SYN2: variants seen among roughly 807,000 people sequenced by gnomAD.
The protein encoded by SYN2 is synapsin-2.
SYN2 carries 19 observed loss-of-function variants against 50.9 expected under a neutral mutation model. The ratio of observed to expected loss-of-function variants is 0.37; its 90% CI spans 0.26 to 0.55. SYN2 has a LOEUF of 0.55. Ranked by LOEUF, SYN2 falls within the 20% of genes least tolerant of loss-of-function variation. The probability of loss-of-function intolerance (pLI) is 0.81; values close to 1 mark genes in which losing one functional copy is unlikely to be tolerated. For missense variants in SYN2, 587 were observed against 576.4 expected, an observed-to-expected ratio of 1.02 and a Z score of -0.19; for synonymous variants, 255 against 224.9, an observed-to-expected ratio of 1.13 and a Z score of -1.20.
chr3:12,025,931 C>CCT (rs1463389401), intron 1 of SYN2, among the ~76,000 whole-genome samples: 2 of 152,216 alleles, frequency 1.3e-5, no homozygotes, highest in Non-Finnish European at 2.9e-5. Context: ...ACTAGCCAAG[C>CCT]CTCTTGTTTC....
At chr3:12,024,432 C>T in intron 1 of SYN2, among the ~76,000 whole-genome samples, 1 of 152,028 alleles carries the variant, frequency 6.6e-6, no homozygotes, top group Non-Finnish European at 1.5e-5. Flanking sequence ...TGCATTACTT[C>T]TTTCAATCTT....
intron 10 of SYN2, among the ~76,000 whole-genome samples, chr3:12,179,608 ATG>A (rs922650868): frequency 6.6e-6 from 1 of 152,132 alleles, no homozygotes; most frequent in African/African-American, 2.4e-5. Flanking sequence ...AGGTGCTTCC[ATG>A]GTTACCTCAT....
At chr3:12,026,705 A>C in intron 1 of SYN2, among the ~76,000 whole-genome samples, 1 of 152,214 alleles carries the variant, frequency 6.6e-6, no homozygotes, top group East Asian at 1.9e-4. Flanking sequence ...GAGGAATGCT[A>C]GGAGACGTGG....
intron 1 of SYN2, among the ~76,000 whole-genome samples, chr3:12,135,347 C>G (rs923586320): frequency 3.3e-5 from 5 of 152,174 alleles, no homozygotes; most frequent in Non-Finnish European, 7.3e-5. Flanking sequence ...TTCTTGAAGC[C>G]TTCAGATGTT....
intron 5 of SYN2, chr3:12,157,459 C>A (rs1337541426): frequency 6.2e-7 from 1 of 1,614,178 alleles, no homozygotes; most frequent in East Asian, 2.2e-5. Flanking sequence ...ACTACCTTCT[C>A]ACTGGAGATT....
Position 12,122,749 on chromosome 3 carries a change from A to G in SYN2, c.378-17902A>G, listed in dbSNP as rs146761192. Among the ~76,000 whole-genome samples, 666 of 152,324 alleles carry G rather than the reference A, an allele frequency of 4.4e-3. 5 individuals carry two copies. The highest frequency in any genetic ancestry group is 0.015 in the African/African-American group (614 of 41,584). ...AATATAAAATTATGCCCAGCCACTG[A>G]TACCTTGGAGTGCTTATCAGAAGAA... On this transcript the variant is annotated intron_variant, in intron 1 of 12. Transcript: ENST00000621198.
intron 1 of SYN2, chr3:12,070,461 G>T (rs521223): frequency 8.5e-6 from 5 of 589,220 alleles, no homozygotes; most frequent in South Asian, 1.4e-5. Context: ...GCGTGGCATC[G>T]TCATCAACTG....
intron 5 of SYN2, among the ~76,000 whole-genome samples, chr3:12,152,803 A>G (rs1697339502): frequency 6.6e-6 from 1 of 152,214 alleles, no homozygotes; most frequent in Non-Finnish European, 1.5e-5. Flanking sequence ...AGTTGAGGGC[A>G]TTAAGGATAG....
intron 1 of SYN2, among the ~76,000 whole-genome samples, chr3:12,006,249 T>G (rs939690257): frequency 1.1e-4 from 16 of 152,184 alleles, no homozygotes; most frequent in Non-Finnish European, 2.4e-4. Context: ...TTCTGAATAG[T>G]CCTTTGGGTG....
intron 1 of SYN2, among the ~76,000 whole-genome samples, chr3:12,035,869 A>C (rs1694487806): frequency 6.6e-6 from 1 of 152,182 alleles, no homozygotes; most frequent in African/African-American, 2.4e-5. Context: ...GTCTGCATGC[A>C]AGAGGATGGC....
At chr3:12,018,061 G>T (rs1694059300) in intron 1 of SYN2, among the ~76,000 whole-genome samples, 1 of 152,154 alleles carries the variant, frequency 6.6e-6, no homozygotes, top group Admixed American at 6.5e-5. Flanking sequence ...ACATATGAAG[G>T]AATTAAGGTC....
At chr3:12,117,776 G>C (rs1696464852) in intron 1 of SYN2, among the ~76,000 whole-genome samples, 1 of 152,196 alleles carries the variant, frequency 6.6e-6, no homozygotes, top group Non-Finnish European at 1.5e-5. Flanking sequence ...AAAGGATAGA[G>C]CTTCCTGCCC....
chr3:12,045,687 C>T (rs780789802), intron 1 of SYN2, among the ~76,000 whole-genome samples: 4 of 152,094 alleles, frequency 2.6e-5, no homozygotes, highest in Non-Finnish European at 5.9e-5. Flanking sequence ...GTACTGAATC[C>T]CTTTGCCCCT....
chr3:12,071,560 G>A, intron 1 of SYN2: 1 of 341,830 alleles, frequency 2.9e-6, no homozygotes, highest in South Asian at 2.4e-5. Context: ...TTGTATTCAA[G>A]TTAACTTTTA....
intron 1 of SYN2, among the ~76,000 whole-genome samples, chr3:12,043,746 T>C (rs1210193532): frequency 6.6e-6 from 1 of 152,174 alleles, no homozygotes; most frequent in East Asian, 1.9e-4. Context: ...GCCAGACATA[T>C]CATATGACCT....
intron 1 of SYN2, among the ~76,000 whole-genome samples, chr3:12,087,054 C>T (rs1417605203): frequency 6.6e-6 from 1 of 152,014 alleles, no homozygotes; most frequent in Admixed American, 6.6e-5. Flanking sequence ...ATAGCATTTC[C>T]ATATACTAAC....
Position 12,055,546 on chromosome 3 carries a change from T to C in SYN2, c.377+50618T>C, listed in dbSNP as rs185009822. Among the ~76,000 whole-genome samples the C allele has an allele frequency of 2.3e-4, 35 of 152,332 alleles. 1 individual carries two copies. Among genetic ancestry groups the C allele is most frequent in the Admixed American group, 3.9e-4 (6 of 15,310 alleles). ...TTTGTGATTGTGTTGATTCTGTGGTTCAATTTTTGGAGAAATTATATATTT... is the reference window on the plus strand; with the variant it reads ...TTTGTGATTGTGTTGATTCTGTGGTCCAATTTTTGGAGAAATTATATATTT... On this transcript the variant is annotated intron_variant, in intron 1 of 12. Transcript: ENST00000621198.
chr3:12,042,166 A>G (rs992180652), intron 1 of SYN2, among the ~76,000 whole-genome samples: 6 of 152,244 alleles, frequency 3.9e-5, no homozygotes, highest in African/African-American at 1.4e-4. Context: ...ATGTATCAGT[A>G]TATTTGGTTA....
intron 10 of SYN2, among the ~76,000 whole-genome samples, chr3:12,176,054 C>G (rs1340978358): frequency 1.3e-5 from 2 of 152,214 alleles, no homozygotes; most frequent in Non-Finnish European, 2.9e-5. Context: ...CTGGTGGTCA[C>G]TCATGGCCAA....
Sources: allele counts gnomAD v4.1 joint callset (sites outside exome capture counted in the v4.1 genomes callset), GRCh38; gene constraint gnomAD v4.1.1; transcripts MANE v1.5; gene names NCBI Gene and HGNC (gene_info 2026-07-23, HGNC 2026-07-21).